ROBO1: variants seen among roughly 807,000 people sequenced by gnomAD.
The protein encoded by ROBO1 is roundabout homolog 1.
Under a neutral mutation model 195.9 loss-of-function variants are expected in ROBO1, and 149 were observed. The observed-to-expected ratio is 0.76, with a 90% confidence interval of 0.67 to 0.87. The LOEUF (loss-of-function observed/expected upper bound fraction) is 0.87, where lower values mean the gene tolerates loss of function less well. ROBO1 is among the 40% of genes least tolerant of loss of function. The probability of loss-of-function intolerance (pLI) is 0.00; values close to 1 mark genes in which losing one functional copy is unlikely to be tolerated. For missense variants in ROBO1, 1,933 were observed against 2,068.3 expected (o/e 0.93, Z 1.27); for synonymous variants, 816 against 733.2 (o/e 1.11, Z -1.82).
intron 2 of ROBO1, among the ~76,000 whole-genome samples, chr3:79,168,616 T>C (rs1397224007): frequency 6.6e-6 from 1 of 152,148 alleles, no homozygotes; most frequent in Non-Finnish European, 1.5e-5. Flanking sequence ...TCTCTAATGT[T>C]TGGAGGTTAA....
intron 2 of ROBO1, among the ~76,000 whole-genome samples, chr3:79,346,444 C>T (rs576869273): frequency 6.6e-6 from 1 of 152,206 alleles, no homozygotes; most frequent in East Asian, 1.9e-4. Context: ...CTTAAACATA[C>T]AGGCTGACTC....
chr3:79,397,424 C>G (rs532229439), intron 2 of ROBO1, among the ~76,000 whole-genome samples: 66 of 152,150 alleles, frequency 4.3e-4, no homozygotes, highest in African/African-American at 1.5e-3. Context: ...TTGGACAAAG[C>G]TTTTCCAGGA....
chr3:78,738,455 T>A (rs973817171), intron 5 of ROBO1, among the ~76,000 whole-genome samples: 1 of 152,210 alleles, frequency 6.6e-6, no homozygotes, highest in Non-Finnish European at 1.5e-5. Flanking sequence ...ATCTTCATTA[T>A]GGATTTTCAA....
intron 3 of ROBO1, among the ~76,000 whole-genome samples, chr3:79,047,418 T>C (rs2078615022): frequency 6.6e-6 from 1 of 152,034 alleles, no homozygotes; most frequent in Admixed American, 6.6e-5. Context: ...CTTCTACAGA[T>C]GGCAAACGAT....
chr3:78,855,401 C>T (rs2034353027), intron 4 of ROBO1, among the ~76,000 whole-genome samples: 1 of 152,172 alleles, frequency 6.6e-6, no homozygotes, highest in South Asian at 2.1e-4. Context: ...TTTTCCAAGC[C>T]TGCAAAGTCA....
chr3:78,679,683 G>T (rs1156406877), intron 10 of ROBO1, among the ~76,000 whole-genome samples: 1 of 152,106 alleles, frequency 6.6e-6, no homozygotes, highest in Non-Finnish European at 1.5e-5. Context: ...AATAAAAGAA[G>T]ATACAAACAA....
chr3:78,768,560 C>A (rs1158167464), intron 4 of ROBO1, among the ~76,000 whole-genome samples: 1 of 151,764 alleles, frequency 6.6e-6, no homozygotes, highest in Non-Finnish European at 1.5e-5. Context: ...TATGTACTTG[C>A]CTGCTTGTGA....
At chr3:79,213,327 T>C (rs2081998823) in intron 2 of ROBO1, among the ~76,000 whole-genome samples, 1 of 152,196 alleles carries the variant, frequency 6.6e-6, no homozygotes. Context: ...TATTATTTTA[T>C]TTGAACTTAA....
chr3:79,569,677 A>G (rs952124194), intron 2 of ROBO1, among the ~76,000 whole-genome samples: 249 of 148,688 alleles, frequency 1.7e-3, no homozygotes, highest in African/African-American at 5.5e-3. Context: ...GTGTGTGTAT[A>G]TATGTGTGTG....
At chr3:78,843,873 C>G (rs981070845) in intron 4 of ROBO1, among the ~76,000 whole-genome samples, 1 of 151,952 alleles carries the variant, frequency 6.6e-6, no homozygotes, top group African/African-American at 2.4e-5. Flanking sequence ...ATAAGCTGAA[C>G]AAAAGTGGAA....
chr3:79,126,312 A>T (rs990540888), intron 2 of ROBO1, among the ~76,000 whole-genome samples: 4 of 152,218 alleles, frequency 2.6e-5, no homozygotes, highest in African/African-American at 9.7e-5. Context: ...TAAATAAAAA[A>T]TGCATTTTTT....
intron 2 of ROBO1, among the ~76,000 whole-genome samples, chr3:79,294,071 AAAAAAAAAAAAAGAAAG>A (rs1159629739): frequency 6.7e-6 from 1 of 148,670 alleles, no homozygotes; most frequent in Non-Finnish European, 1.5e-5. Flanking sequence ...AAAAAAAAAA[AAAAAAAAAAAAAGAAAG>A]AAAAAACTAC....
chr3:78,769,708 G>T (rs1466122561), intron 4 of ROBO1, among the ~76,000 whole-genome samples: 1 of 136,294 alleles, frequency 7.3e-6, no homozygotes, highest in East Asian at 2.4e-4. Flanking sequence ...CTGTTTTTAT[G>T]TGTTTCCAGG....
In ROBO1 at chr3:79,212,575, C is replaced by G. The variant is rs112480612; in HGVS notation, c.89-87036G>C. On this transcript the variant is annotated intron_variant, in intron 2 of 30. Coordinates refer to ENST00000464233, the MANE Select transcript of ROBO1 (RefSeq NM_002941.4). ...GGTGGCTACACCTACAATCCCAGCA[C>G]TTTGGGAGACTGAGGGCGCAGATCA... Among the ~76,000 whole-genome samples the G allele has an allele frequency of 1.1e-3, 173 of 152,204 alleles. 1 individual carries two copies. In the Middle Eastern group the frequency reaches 0.017, roughly 15 times the overall value.
At chr3:78,797,642 T>C (rs2084225133) in intron 4 of ROBO1, among the ~76,000 whole-genome samples, 1 of 152,190 alleles carries the variant, frequency 6.6e-6, no homozygotes, top group Non-Finnish European at 1.5e-5. Context: ...GGTTTTTTTC[T>C]TGTATGTGTC....
intron 2 of ROBO1, among the ~76,000 whole-genome samples, chr3:79,365,868 G>A (rs957558328): frequency 1.2e-4 from 18 of 146,822 alleles, no homozygotes; most frequent in Non-Finnish European, 2.7e-4. Flanking sequence ...CTGCACTCCA[G>A]CCTGGGCGAC....
chr3:78,810,059 C>T (rs936004168), intron 4 of ROBO1, among the ~76,000 whole-genome samples: 6 of 151,782 alleles, frequency 4.0e-5, no homozygotes, highest in African/African-American at 1.2e-4. Context: ...AAGCAACTGT[C>T]CCAGGTTGGA....
chr3:78,916,210 A>C (rs961876162), intron 4 of ROBO1, among the ~76,000 whole-genome samples: 2 of 143,902 alleles, frequency 1.4e-5, no homozygotes, highest in East Asian at 2.1e-4. Context: ...AGATCGCGCC[A>C]CTGCACTCCA....
chr3:78,630,283 C>T (rs1307604234), intron 25 of ROBO1, among the ~76,000 whole-genome samples: 1 of 152,166 alleles, frequency 6.6e-6, no homozygotes, highest in Non-Finnish European at 1.5e-5. Flanking sequence ...TGCTAACTCA[C>T]TGTTCACAAG....
Sources: allele counts gnomAD v4.1 joint callset (sites outside exome capture counted in the v4.1 genomes callset), GRCh38; gene constraint gnomAD v4.1.1; transcripts MANE v1.5; gene names NCBI Gene and HGNC (gene_info 2026-07-23, HGNC 2026-07-21).